Variants in LRRC69 observed in about 807,000 individuals in gnomAD.
LRRC69 encodes the protein leucine-rich repeat-containing protein 69.
Under a neutral mutation model 37.8 loss-of-function variants are expected in LRRC69, and 42 were observed. The ratio of observed to expected loss-of-function variants is 1.11; its 90% CI spans 0.87 to 1.44. LRRC69 has a LOEUF of 1.44. LRRC69 is among the 40% of genes most tolerant of loss of function. The pLI is 0.00. For synonymous variants in LRRC69, 141 were observed against 143.1 expected (o/e 0.99, Z 0.11); for missense variants, 357 against 401.9 (o/e 0.89, Z 0.96).
chr8:91,131,820 T>C (rs1253915288), intron 3 of LRRC69, among the ~76,000 whole-genome samples: 1 of 152,026 alleles, frequency 6.6e-6, no homozygotes, highest in Non-Finnish European at 1.5e-5. Context: ...GAAATTTTCT[T>C]TTCTCACACC....
At chr8:91,109,772 C>T (rs959554242) in intron 1 of LRRC69, among the ~76,000 whole-genome samples, 1 of 151,990 alleles carries the variant, frequency 6.6e-6, no homozygotes, top group Non-Finnish European at 1.5e-5. Flanking sequence ...ATGGAAACTT[C>T]CCCTCAATTT....
intron 6 of LRRC69, among the ~76,000 whole-genome samples, chr8:91,192,098 T>C (rs1809507771): frequency 6.6e-6 from 1 of 150,724 alleles, no homozygotes; most frequent in Non-Finnish European, 1.5e-5. Flanking sequence ...ATGCGGTGTT[T>C]GGTTTTTTGT....
At chr8:91,136,654 C>T (rs1240413329) in intron 5 of LRRC69, among the ~76,000 whole-genome samples, 1 of 151,966 alleles carries the variant, frequency 6.6e-6, no homozygotes, top group Non-Finnish European at 1.5e-5. Flanking sequence ...CCATTCAACT[C>T]CAACTCCCCA....
chr8:91,118,418 A>G (rs1488324872), intron 1 of LRRC69: 1 of 334,402 alleles, frequency 3.0e-6, no homozygotes, highest in Non-Finnish European at 5.6e-6. Flanking sequence ...GCACATACCT[A>G]CTACTTGGGA....
chr8:91,167,553 T>C (rs1322133171), intron 5 of LRRC69, among the ~76,000 whole-genome samples: 1 of 151,908 alleles, frequency 6.6e-6, no homozygotes, highest in Non-Finnish European at 1.5e-5. Context: ...AGCACTAATA[T>C]ATACAAGGAA....
intron 1 of LRRC69, among the ~76,000 whole-genome samples, chr8:91,111,316 C>A (rs1376892034): frequency 6.6e-6 from 1 of 151,896 alleles, no homozygotes; most frequent in Non-Finnish European, 1.5e-5. Context: ...GGGTGGATCA[C>A]GAGGTCAGAA....
In LRRC69 at chr8:91,114,455, G is replaced by GTGTGTGTGTGTGTA. The variant is rs142337818; in HGVS notation, c.184-10037_184-10036insGTGTGTGTGTGTAT. On this transcript the variant is annotated intron_variant, in intron 1 of 7. Coordinates refer to ENST00000448384, the Ensembl canonical transcript of LRRC69. ...AAAATGTTTGTGTATGTGTGTGTGT[G>GTGTGTGTGTGTGTA]TATATATATATGTATGTATGCACAT... is the stretch of plus-strand genomic sequence containing the variant. 5.7e-3 allele frequency among the ~76,000 whole-genome samples: 866 copies of GTGTGTGTGTGTGTA among 151,070 alleles called. 2 individuals carry two copies. Among genetic ancestry groups the GTGTGTGTGTGTGTA allele is most frequent in the East Asian group, 0.012 (59 of 5,126 alleles).
intron 1 of LRRC69, among the ~76,000 whole-genome samples, chr8:91,123,793 T>C (rs1454521126): frequency 6.6e-6 from 1 of 152,010 alleles, no homozygotes; most frequent in East Asian, 1.9e-4. Context: ...TTGGGAACAA[T>C]CTGTATCACT....
intron 1 of LRRC69, among the ~76,000 whole-genome samples, chr8:91,109,434 C>T (rs1315597527): frequency 2.6e-5 from 4 of 152,092 alleles, no homozygotes; most frequent in African/African-American, 7.2e-5. Flanking sequence ...ATATTGTTTA[C>T]ATAGAAAATT....
At chr8:91,122,727 C>T (rs1243122409) in intron 1 of LRRC69, among the ~76,000 whole-genome samples, 2 of 152,016 alleles carry the variant, frequency 1.3e-5, no homozygotes, top group African/African-American at 4.8e-5. Flanking sequence ...TACTGCTAGA[C>T]TGCTGTGCAT....
intron 5 of LRRC69, among the ~76,000 whole-genome samples, chr8:91,169,656 T>G (rs1809091230): frequency 1.9e-4 from 1 of 5,284 alleles, no homozygotes; most frequent in Non-Finnish European, 5.6e-4. Flanking sequence ...TATCTCCCAA[T>G]GCTATCCCCT....
chr8:91,206,583 G>A (rs1809809185), intron 7 of LRRC69: 2 of 854,092 alleles, frequency 2.3e-6, no homozygotes, highest in Admixed American at 6.0e-5. Flanking sequence ...CTTTCCACTG[G>A]TGATGTTCTG....
chr8:91,126,412 C>G (rs1236694377), intron 2 of LRRC69, among the ~76,000 whole-genome samples: 2 of 151,888 alleles, frequency 1.3e-5, no homozygotes, highest in African/African-American at 4.8e-5. Flanking sequence ...AATTAGGTGC[C>G]CATGTTTTCA....
intron 1 of LRRC69, among the ~76,000 whole-genome samples, chr8:91,114,903 G>A (rs917275253): frequency 3.3e-5 from 5 of 151,974 alleles, no homozygotes; most frequent in South Asian, 4.1e-4. Flanking sequence ...CAGCAACATG[G>A]ATGAGCCTGG....
At chr8:91,205,720 A>G (rs763628704) in intron 7 of LRRC69, among the ~76,000 whole-genome samples, 1 of 152,150 alleles carries the variant, frequency 6.6e-6, no homozygotes, top group Non-Finnish European at 1.5e-5. Flanking sequence ...CCAGTCATGT[A>G]CAAATTATGT....
intron 6 of LRRC69, among the ~76,000 whole-genome samples, chr8:91,191,924 C>T (rs1160949208): frequency 6.6e-6 from 1 of 151,848 alleles, no homozygotes; most frequent in Admixed American, 6.6e-5. Flanking sequence ...ACACATGTGC[C>T]ATGCTGGTGC....
Position 91,218,749 on chromosome 8 carries a change from A to T in LRRC69, c.934-141A>T, listed in dbSNP as rs570351945. 376 of 548,422 alleles carry T rather than the reference A, an allele frequency of 6.9e-4. 1 individual carries two copies. Among genetic ancestry groups the T allele is most frequent in the Admixed American group, 1.6e-3 (46 of 28,732 alleles). The allele number at this position is 548,422 out of a possible 1,614,324, so 34.0% of individuals were successfully genotyped here. A position where few individuals can be genotyped will look rare whatever the true frequency, so the allele number is the denominator to read the frequency against. On this transcript the variant is annotated intron_variant, in intron 7 of 7. Coordinates refer to ENST00000448384, the Ensembl canonical transcript of LRRC69. The stretch of plus-strand genomic sequence containing the variant: ...TTAAGTTTGTGTTTTTATGTGTGAG[A>T]AAAGAGCAAATCAAGCATAAATAGA...
At chr8:91,117,559 C>CTTTTTTTTTTTTTT (rs35003763) in intron 1 of LRRC69, among the ~76,000 whole-genome samples, 1 of 115,146 alleles carries the variant, frequency 8.7e-6, no homozygotes, top group African/African-American at 3.3e-5. Flanking sequence ...ACAAGATCCA[C>CTTTTTTTTTTTTTT]TTTTTTTTTT....
chr8:91,212,480 T>C (rs1809948205), intron 7 of LRRC69, among the ~76,000 whole-genome samples: 1 of 152,176 alleles, frequency 6.6e-6, no homozygotes, highest in Non-Finnish European at 1.5e-5. Context: ...TCCCTATAAA[T>C]GAGTGAAAAC....
Sources: allele counts gnomAD v4.1 joint callset (sites outside exome capture counted in the v4.1 genomes callset), GRCh38; gene constraint gnomAD v4.1.1; transcripts MANE v1.5; gene names NCBI Gene and HGNC (gene_info 2026-07-23, HGNC 2026-07-21).